The following TTN variants were observed in gnomAD, a reference collection of about 807,000 sequenced individuals.
TTN encodes titin, also known as connectin.
Under a neutral mutation model 3,223.0 loss-of-function variants are expected in TTN, and 1,525 were observed. That is an observed-to-expected ratio of 0.47 (90% CI 0.45 to 0.49). TTN has a LOEUF of 0.49. TTN is among the 20% of genes least tolerant of loss of function. The pLI is 0.00. For missense variants in TTN, 40,786 were observed against 43,424.0 expected, an observed-to-expected ratio of 0.94 and a Z score of 5.40; for synonymous variants, 14,094 against 15,161.0, an observed-to-expected ratio of 0.93 and a Z score of 5.17.
At chr2:178,602,895 C>T (rs2053825638) in intron 282 of TTN, among the ~76,000 whole-genome samples, 1 of 151,872 alleles carries the variant, frequency 6.6e-6, no homozygotes, top group Non-Finnish European at 1.5e-5. Flanking sequence ...TTTGAGATCC[C>T]TTTGAAGAAA....
intron 163 of TTN, among the ~76,000 whole-genome samples, chr2:178,666,581 C>T (rs781765511): frequency 2.4e-4 from 37 of 152,080 alleles, no homozygotes; most frequent in Non-Finnish European, 7.4e-5. Context: ...TTGGAGTCCT[C>T]ATAAAAATAC....
Position 178,547,525 on chromosome 2 carries a change from T to G in TTN, c.94101A>C (p.Gln31367His). 6.2e-7 allele frequency: 1 copy of G among 1,613,748 alleles called. No individual in the cohort carries two copies. Among genetic ancestry groups the G allele is most frequent in the Non-Finnish European group, 8.5e-7 (1 of 1,179,766 alleles). The change falls in exon 339 of 363, where the codon CAA becomes CAC. Residue 31367 changes from glutamine (Q) to histidine (H), a missense_variant. Physicochemically the swap from Gln to His is conservative, Grantham distance 24. Coordinates refer to ENST00000589042, the MANE Select transcript of TTN (RefSeq NM_001267550.2). ...ATTTTGTGAGATGAGTGACTTTAATTTGAGTGCGCTTGACACTGGAATTGA... is the reference window on the plus strand; with the variant it reads ...ATTTTGTGAGATGAGTGACTTTAATGTGAGTGCGCTTGACACTGGAATTGA... ...QLVNSSVKRT[Q>H]IKVTHLTKYM...
rs1473543749 is a variant in TTN, at chr2:178,665,437, C to A, written c.35983G>T (p.Val11995Phe). 6.2e-7 allele frequency: 1 copy of A among 1,612,364 alleles called. No homozygotes were observed. Among genetic ancestry groups the A allele is most frequent in the Non-Finnish European group, 8.5e-7 (1 of 1,179,576 alleles). ...TKAPEAMKEV[V>F]PEMKIFEDVP... is the part of the protein sequence containing the mutation. ...TCCTCAAATATTTTCATTTCAGGGA[C>A]AACTTCTTTCATAGCTTCTGGTGCT... is the stretch of plus-strand genomic sequence containing the variant. The change falls in exon 165 of 363, where the codon GTC becomes TTC. Residue 11995 changes from valine to phenylalanine, a missense_variant. Coordinates refer to ENST00000589042, the MANE Select transcript of TTN (RefSeq NM_001267550.2).
Position 178,770,480 on chromosome 2 carries a change from A to G in TTN, c.8312T>C (p.Ile2771Thr), listed in dbSNP as rs780465670. The stretch of plus-strand genomic sequence containing the variant: ...GAAGCCATAAACAGACTCATCCACG[A>G]TGGCACAGTTTTTAATCCTCAGAGA... ...IYSLRIKNCA[I>T]VDESVYGFRL... The change falls in exon 35 of 363, where the codon ATC becomes ACC. Residue 2771 changes from isoleucine to threonine, a missense_variant. Ile to Thr is a moderately conservative substitution (Grantham distance 89, BLOSUM62 -1). Transcript: ENST00000589042. 84 of 1,614,076 alleles carry G rather than the reference A, an allele frequency of 5.2e-5. No individual in the cohort carries two copies. The highest frequency in any genetic ancestry group is 6.7e-5 in the African/African-American group (5 of 74,950).
At position 178,731,378 on chromosome 2, in the gene TTN, A is replaced by G; in HGVS notation, c.17388T>C (p.His5796=). Residue 5796 remains histidine, a synonymous_variant, in exon 59 of 363, where the codon CAT becomes CAC. Transcript: ENST00000589042. ...SLYLSGIEVK[H]DGKYVCQAKN... is the part of the protein sequence containing the mutation. Reference sequence around the variant, plus strand: ...TGGCCTGACAGACATATTTCCCATCATGCTTGACTTCAATGCCACTGAGGT... The same window carrying G: ...TGGCCTGACAGACATATTTCCCATCGTGCTTGACTTCAATGCCACTGAGGT... 3 of 1,613,750 alleles carry G rather than the reference A, an allele frequency of 1.9e-6. No homozygotes were observed. Among genetic ancestry groups the G allele is most frequent in the Non-Finnish European group, 2.5e-6 (3 of 1,179,776 alleles).
At position 178,593,688 on chromosome 2, in the gene TTN, T is replaced by C. The variant is rs200017524; in HGVS notation, c.58612A>G (p.Thr19538Ala). ...MPVTSASAKTTCKVSKLLEGK... is the reference protein window; with the variant it reads ...MPVTSASAKTACKVSKLLEGK... Reference sequence around the variant, plus strand: ...TCAAGTAGTTTAGAAACTTTGCATGTTGTTTTAGCACTTGCAGATGTCACT... The same window carrying C: ...TCAAGTAGTTTAGAAACTTTGCATGCTGTTTTAGCACTTGCAGATGTCACT... The change falls in exon 298 of 363, where the codon ACA becomes GCA. Residue 19538 changes from threonine to alanine, a missense_variant. Coordinates refer to ENST00000589042, the MANE Select transcript of TTN (RefSeq NM_001267550.2). 422 of 1,613,372 alleles carry C rather than the reference T, an allele frequency of 2.6e-4. No individual in the cohort carries two copies. In the African/African-American group the frequency reaches 4.7e-3, roughly 18 times the overall value.
At position 178,554,183 on chromosome 2, in the gene TTN, G is replaced by T. The variant is rs1307408186; in HGVS notation, c.88928C>A (p.Thr29643Lys). The T allele has an allele frequency of 1.9e-6, 3 of 1,609,000 alleles. No homozygotes were observed. In the South Asian group the frequency reaches 3.3e-5, roughly 18 times the overall value. The stretch of plus-strand genomic sequence containing the variant: ...AGTCATCGAATTCTTGGTAATCTTT[G>T]TCACTTCTGGTATGCCTGGTGGCCC... ...TPGPPGIPEVTKITKNSMTVV... is the reference protein window; with the variant it reads ...TPGPPGIPEVKKITKNSMTVV... Residue 29643 changes from threonine (T) to lysine (K), a missense_variant, in exon 333 of 363, where the codon ACA becomes AAA. Transcript: ENST00000589042.
chr2:178,747,732 A>G (rs201116463), intron 47 of TTN: 4 of 1,611,572 alleles, frequency 2.5e-6, no homozygotes, highest in Non-Finnish European at 3.4e-6. Flanking sequence ...GCCTCATCTA[A>G]TTTAGGAATA....
At chr2:178,676,379 T>A (rs1467118958) in intron 147 of TTN, among the ~76,000 whole-genome samples, 1 of 151,906 alleles carries the variant, frequency 6.6e-6, no homozygotes, top group Admixed American at 6.6e-5. Context: ...TACTATTTCA[T>A]TTGATTATAT....
In TTN at chr2:178,557,559, C is replaced by A. The variant is rs201770959; in HGVS notation, c.87707-4G>T. On this transcript the variant is annotated splice_polypyrimidine_tract_variant and splice_region_variant and intron_variant, in intron 328 of 362. Coordinates refer to ENST00000589042, the MANE Select transcript of TTN (RefSeq NM_001267550.2). ...GTAGATGGTGGTCCAGGTGTTGCTA[C>A]AAAAGAGAGAAATCCTATAGATTAG... 2.8e-3 allele frequency: 4,449 copies of A among 1,609,070 alleles called. 14 individuals are homozygous for A. The highest frequency in any genetic ancestry group is 3.5e-3 in the Non-Finnish European group (4,086 of 1,178,024).
At chr2:178,709,938 A>C in intron 98 of TTN, 82 bp from the exon 99 acceptor site, 2 of 1,408,370 alleles carry the variant, frequency 1.4e-6, no homozygotes, top group Admixed American at 2.3e-5. Flanking sequence ...AAAAACCCTC[A>C]TATTTTTAGT....
chr2:178,538,837 T>A lies in TTN; in HGVS notation c.98992A>T (p.Lys32998Ter). The A allele has an allele frequency of 1.3e-6, 2 of 1,598,534 alleles. No individual in the cohort carries two copies. Among genetic ancestry groups the A allele is most frequent in the Non-Finnish European group, 1.7e-6 (2 of 1,172,498 alleles). ...EPVVCKDPFD[K>*]PSQPGELEIL... ...TCAAGTTCTCCTGGTTGGCTTGGTT[T>A]ATCTGAAATATTTTAAAATAATGAA... The change falls in exon 354 of 363, where the codon AAA (lysine) becomes TAA (stop). Residue 32998 changes from lysine (K) to a stop codon, truncating the protein, a stop_gained and splice_region_variant. Coordinates refer to ENST00000589042, the MANE Select transcript of TTN (RefSeq NM_001267550.2). LOFTEE classifies it high-confidence loss of function.
Position 178,546,359 on chromosome 2 carries a change from G to T in TTN, c.94972C>A (p.Leu31658Ile), listed in dbSNP as rs754798671. ...TACTGCAAAGAGACTTTTTCACAGAGATCTAGCTCCTTGTCTCCTTTGGTC... is the reference window on the plus strand; with the variant it reads ...TACTGCAAAGAGACTTTTTCACAGATATCTAGCTCCTTGTCTCCTTTGGTC... ...IWTKGDKELD[L>I]CEKVSLQYTG... The change falls in exon 342 of 363, where the codon CTC (leucine) becomes ATC (isoleucine). Residue 31658 changes from leucine to isoleucine, a missense_variant. Physicochemically the swap from Leu to Ile is conservative, Grantham distance 5. Coordinates refer to ENST00000589042, the MANE Select transcript of TTN (RefSeq NM_001267550.2). 6.2e-7 allele frequency: 1 copy of T among 1,613,754 alleles called. No individual in the cohort carries two copies. Among genetic ancestry groups the T allele is most frequent in the South Asian group, 1.1e-5 (1 of 91,076 alleles).
At chr2:178,799,335 G>T in intron 6 of TTN, 152 bp downstream of exon 6, 3 of 1,210,168 alleles carry the variant, frequency 2.5e-6, no homozygotes, top group South Asian at 1.4e-5. Flanking sequence ...CTGCCCGTTT[G>T]TATGCTCCCC....
In TTN at chr2:178,588,059, C is replaced by A. The variant is rs1224580080; in HGVS notation, c.63348G>T (p.Trp21116Cys). 1 of 1,612,884 alleles carries A rather than the reference C, an allele frequency of 6.2e-7. No homozygotes were observed. The highest frequency in any genetic ancestry group is 8.5e-7 in the Non-Finnish European group (1 of 1,179,360). Reference sequence around the variant, plus strand: ...GCTGTGCTGCAGCATTACACCGTTTCCAGCCTTCATCAGGAGACGCATCTG... The same window carrying A: ...GCTGTGCTGCAGCATTACACCGTTTACAGCCTTCATCAGGAGACGCATCTG... ...KIADASPDEG[W>C]KRCNAAAQLV... Residue 21116 changes from tryptophan to cysteine, a missense_variant, in exon 305 of 363, where the codon TGG becomes TGT. Coordinates refer to ENST00000589042, the MANE Select transcript of TTN (RefSeq NM_001267550.2).
In TTN at chr2:178,707,816, G is replaced by A. The variant is rs754474569; in HGVS notation, c.28754-3C>T. ...AAATACAGGTGGCTTCTTAGGTTCT[G>A]GAATTGAAAAGGTATTTTCATGAGG... On this transcript the variant is annotated splice_polypyrimidine_tract_variant and splice_region_variant and intron_variant, in intron 99 of 362. Coordinates refer to ENST00000589042, the MANE Select transcript of TTN (RefSeq NM_001267550.2). 15 of 1,570,188 alleles carry A rather than the reference G, an allele frequency of 9.6e-6. No individual in the cohort carries two copies. Among genetic ancestry groups the A allele is most frequent in the Non-Finnish European group, 1.3e-5 (15 of 1,155,646 alleles).
chr2:178,610,023 C>A, intron 271 of TTN, 37 bp from the exon 272 acceptor site: 1 of 1,610,250 alleles, frequency 6.2e-7, no homozygotes, highest in Non-Finnish European at 8.5e-7. Flanking sequence ...ATCAGGAAAA[C>A]CACCTTCTTA....
rs1353195701 is a variant in TTN at position 178,582,592 on chromosome 2, T to C, written c.65864A>G (p.Asp21955Gly). The change falls in exon 314 of 363, where the codon GAT (aspartate) becomes GGT (glycine). Residue 21955 changes from aspartate (D) to glycine (G), a missense_variant and splice_region_variant. Transcript: ENST00000589042. ...AACAGATGCTGGAGGACCCGGTTTATCTGAAGGAATAAGGAAGAAGAGTGA... is the reference window on the plus strand; with the variant it reads ...AACAGATGCTGGAGGACCCGGTTTACCTGAAGGAATAAGGAAGAAGAGTGA... ...KSATIKLKVL[D>G]KPGPPASVKI... is the part of the protein sequence containing the mutation. The C allele has an allele frequency of 6.2e-7, 1 of 1,601,460 alleles. No individual in the cohort carries two copies. The highest frequency in any genetic ancestry group is 1.3e-5 in the African/African-American group (1 of 74,600).
At chr2:178,805,848 C>T (rs1470256882) in intron 1 of TTN, among the ~76,000 whole-genome samples, 12 of 152,018 alleles carry the variant, frequency 7.9e-5, no homozygotes, top group Non-Finnish European at 1.8e-4. Context: ...TATTCAACAT[C>T]AAAGAAACGA....
Sources: allele counts gnomAD v4.1 joint callset (sites outside exome capture counted in the v4.1 genomes callset), GRCh38; gene constraint gnomAD v4.1.1; transcripts MANE v1.5; gene names NCBI Gene and HGNC (gene_info 2026-07-23, HGNC 2026-07-21).